KCNMB2: variants seen among roughly 807,000 people sequenced by gnomAD.
KCNMB2 encodes potassium calcium-activated channel subfamily M regulatory beta subunit 2.
In KCNMB2, 9 loss-of-function variants were observed where a neutral mutation model predicts 24.5. The ratio of observed to expected loss-of-function variants is 0.37; its 90% CI spans 0.22 to 0.64. KCNMB2 has a LOEUF of 0.64. Ranked by LOEUF, KCNMB2 falls within the 30% of genes least tolerant of loss-of-function variation. The probability of loss-of-function intolerance (pLI) is 0.63; values close to 1 mark genes in which losing one functional copy is unlikely to be tolerated. For synonymous variants in KCNMB2, 109 were observed against 104.4 expected (o/e 1.04, Z -0.27); for missense variants, 226 against 284.3 (o/e 0.79, Z 1.47).
At chr3:178,585,343 T>A (rs1577028788) in intron 1 of KCNMB2, among the ~76,000 whole-genome samples, 1 of 152,334 alleles carries the variant, frequency 6.6e-6, no homozygotes, top group East Asian at 1.9e-4. Context: ...TTCTTTTGTG[T>A]TCCTACAGAG....
rs1215464246 is a variant in KCNMB2, at chr3:178,549,649, G to A, written c.-68+12938G>A. ...GCTGCCTGTTCCTTTTTCAAAGCAG[G>A]TGAGCACACAGCAGTTTTAACAATA... is the stretch of plus-strand genomic sequence containing the variant. On this transcript the variant is annotated intron_variant, in intron 1 of 4. Coordinates refer to ENST00000452583, the MANE Select transcript of KCNMB2 (RefSeq NM_181361.3). Among the ~76,000 whole-genome samples, 4 of 152,028 alleles carry A rather than the reference G, an allele frequency of 2.6e-5. No homozygotes were observed. The South Asian group carries it at 6.2e-4, about 24-fold the overall frequency.
chr3:178,807,658 C>T (rs147194828), intron 2 of KCNMB2, among the ~76,000 whole-genome samples, 193 bp downstream of exon 2: 57 of 152,294 alleles, frequency 3.7e-4, no homozygotes, highest in Admixed American at 1.1e-3. Flanking sequence ...GCTTTCAGCA[C>T]ATAGCTTTGC....
rs1201585304 is a variant in KCNMB2 at position 178,549,538 on chromosome 3, GC to G, written c.-68+12828del. ...GATGAGGTTTCACTATGTTAGCCAG[GC>G]TGGTCTTGAATGCCTGACCTCAGGT... On this transcript the variant is annotated intron_variant, in intron 1 of 4. Transcript: ENST00000452583. Among the ~76,000 whole-genome samples, 12 of 146,918 alleles carry G rather than the reference GC, an allele frequency of 8.2e-5. No homozygotes were observed. The South Asian group carries it at 8.6e-4, about 11-fold the overall frequency.
In KCNMB2 at chr3:178,565,768, C is replaced by T. The variant is rs371175560; in HGVS notation, c.-68+29057C>T. On this transcript the variant is annotated intron_variant, in intron 1 of 4. Transcript: ENST00000452583. ...CCTCTGGCTTTTCTCATATAGTATC[C>T]TGCTGAAAATCAAGATTCTGATCAA... 2.2e-3 allele frequency among the ~76,000 whole-genome samples: 335 copies of T among 152,210 alleles called. 2 individuals carry two copies. The highest frequency in any genetic ancestry group is 7.5e-3 in the African/African-American group (311 of 41,538).
At chr3:178,736,994 A>C (rs1723338556) in intron 1 of KCNMB2, among the ~76,000 whole-genome samples, 1 of 152,180 alleles carries the variant, frequency 6.6e-6, no homozygotes. Flanking sequence ...TATGGGCCAG[A>C]CACAGCGGCT....
intron 1 of KCNMB2, among the ~76,000 whole-genome samples, chr3:178,746,429 C>G (rs1723670311): frequency 6.6e-6 from 1 of 152,168 alleles, no homozygotes; most frequent in Admixed American, 6.5e-5. Context: ...TCCTAGGTCT[C>G]TGTGCCTGTG....
At chr3:178,811,332 A>C (rs1007399617) in intron 2 of KCNMB2, among the ~76,000 whole-genome samples, 3 of 152,156 alleles carry the variant, frequency 2.0e-5, no homozygotes, top group Non-Finnish European at 4.4e-5. Flanking sequence ...ACTCCCCATC[A>C]ATCAATATCA....
At chr3:178,653,432 A>T (rs1404087800) in intron 1 of KCNMB2, among the ~76,000 whole-genome samples, 6 of 151,960 alleles carry the variant, frequency 3.9e-5, no homozygotes, top group Non-Finnish European at 8.8e-5. Context: ...TTATTTTCTT[A>T]TAGCATAGAA....
At chr3:178,832,209 T>C (rs13066302) in intron 4 of KCNMB2, among the ~76,000 whole-genome samples, 1 of 152,112 alleles carries the variant, frequency 6.6e-6, no homozygotes, top group East Asian at 1.9e-4. Flanking sequence ...ATTTTATTTT[T>C]CTTCTGGAAG....
intron 1 of KCNMB2, among the ~76,000 whole-genome samples, chr3:178,645,045 A>AT (rs10576689): frequency 0.025 from 2,275 of 92,338 alleles, 49 homozygotes; most frequent in African/African-American, 0.06. Flanking sequence ...AAGATCCAAG[A>AT]TTTTTTTTTT....
chr3:178,594,020 C>T (rs1379041884), intron 1 of KCNMB2, among the ~76,000 whole-genome samples: 3 of 151,546 alleles, frequency 2.0e-5, no homozygotes, highest in African/African-American at 4.9e-5. Flanking sequence ...CTATTTTGTT[C>T]TTCTGGTATG....
At chr3:178,605,295 T>C (rs1014165837) in intron 1 of KCNMB2, among the ~76,000 whole-genome samples, 2 of 152,138 alleles carry the variant, frequency 1.3e-5, no homozygotes, top group Non-Finnish European at 2.9e-5. Context: ...ATCAGTGCTT[T>C]GATCTAGGAC....
intron 1 of KCNMB2, among the ~76,000 whole-genome samples, chr3:178,744,025 C>T (rs1174900586): frequency 6.6e-6 from 1 of 152,170 alleles, no homozygotes; most frequent in East Asian, 1.9e-4. Flanking sequence ...TCAGTATTCA[C>T]TAGAATATGG....
At chr3:178,745,554 C>G (rs1723637734) in intron 1 of KCNMB2, among the ~76,000 whole-genome samples, 2 of 152,146 alleles carry the variant, frequency 1.3e-5, no homozygotes, top group Admixed American at 6.5e-5. Flanking sequence ...ACCAATCATG[C>G]CTTCCCAACA....
chr3:178,589,051 T>C (rs1260645444), intron 1 of KCNMB2, among the ~76,000 whole-genome samples: 1 of 152,214 alleles, frequency 6.6e-6, no homozygotes, highest in African/African-American at 2.4e-5. Flanking sequence ...GTTGCTTTTT[T>C]AAACCATCTT....
chr3:178,811,025 T>A (rs986030934), intron 2 of KCNMB2, among the ~76,000 whole-genome samples: 2 of 151,750 alleles, frequency 1.3e-5, no homozygotes, highest in South Asian at 4.2e-4. Context: ...GTGCTGGGAT[T>A]ACAGGCGTGG....
intron 1 of KCNMB2, among the ~76,000 whole-genome samples, chr3:178,684,821 A>C (rs1002349284): frequency 2.0e-5 from 3 of 152,158 alleles, no homozygotes; most frequent in African/African-American, 7.2e-5. Flanking sequence ...ACAAGAGCGA[A>C]ACTCCGTCTC....
chr3:178,837,990 C>T (rs1353767164), intron 4 of KCNMB2, among the ~76,000 whole-genome samples: 4 of 152,124 alleles, frequency 2.6e-5, no homozygotes, highest in Non-Finnish European at 4.4e-5. Context: ...CACTGTTCAC[C>T]ACTGAAATTG....
At chr3:178,725,045 G>T (rs1229598654) in intron 1 of KCNMB2, among the ~76,000 whole-genome samples, 1 of 152,016 alleles carries the variant, frequency 6.6e-6, no homozygotes, top group African/African-American at 2.4e-5. Context: ...TTCAAAGTCT[G>T]TTAAAAATGA....
Sources: allele counts gnomAD v4.1 joint callset (sites outside exome capture counted in the v4.1 genomes callset), GRCh38; gene constraint gnomAD v4.1.1; transcripts MANE v1.5; gene names NCBI Gene and HGNC (gene_info 2026-07-23, HGNC 2026-07-21).